The following RAB3IL1 variants were observed in gnomAD, a reference collection of about 807,000 sequenced individuals.
RAB3IL1 encodes the protein guanine nucleotide exchange factor for Rab-3A.
In RAB3IL1, 37 loss-of-function variants were observed where a neutral mutation model predicts 49.2. The observed-to-expected ratio is 0.75, with a 90% CI of 0.58 to 0.99. RAB3IL1 has a LOEUF of 0.99. RAB3IL1 is among the 50% of genes least tolerant of loss of function. The pLI, the probability that RAB3IL1 is intolerant of heterozygous loss-of-function variation, is 0.00. For missense variants in RAB3IL1, 484 were observed against 513.0 expected (o/e 0.94, Z 0.55); for synonymous variants, 193 against 213.9 (o/e 0.90, Z 0.85).
rs1166335087 is a variant in RAB3IL1 at position 61,898,648 on chromosome 11, A to G, written c.1067-288T>C. Among the ~76,000 whole-genome samples the G allele has an allele frequency of 1.3e-5, 2 of 152,226 alleles. No individual in the cohort carries two copies. Among genetic ancestry groups the G allele is most frequent in the Non-Finnish European group, 2.9e-5 (2 of 68,034 alleles). ...GCAGGTACACGCTGTCACATGCCAC[A>G]GCGGTGGTCCAGACCTGGGAACTAC... is the stretch of plus-strand genomic sequence containing the variant. On this transcript the variant is annotated intron_variant, in intron 9 of 9. Transcript: ENST00000394836. The surrounding 1 kb of genome is among the most constrained non-coding windows in gnomAD (Gnocchi z 5.1).
chr11:61,914,862 G>A (rs1380286971), intron 1 of RAB3IL1, among the ~76,000 whole-genome samples: 3 of 152,178 alleles, frequency 2.0e-5, no homozygotes, highest in Admixed American at 6.5e-5. Flanking sequence ...TCCTGTTCTA[G>A]GATCAACAGT....
chr11:61,920,002 G>C (rs1939856553), upstream of RAB3IL1: 11 of 1,224,138 alleles, frequency 9.0e-6, no homozygotes, highest in Non-Finnish European at 1.1e-5. Flanking sequence ...AGCTTGCCAA[G>C]ACTCCCCCTC....
At chr11:61,937,988 T>C in the RAB3IL1 span, 1 of 152,056 alleles carries the variant, frequency 6.6e-6, no homozygotes, top group Non-Finnish European at 1.5e-5. Context: ...TTTGTGAAGC[T>C]TTCCATTATA....
At chr11:61,900,137 A>G (rs1417021699) in intron 8 of RAB3IL1, among the ~76,000 whole-genome samples, 2 of 152,230 alleles carry the variant, frequency 1.3e-5, no homozygotes, top group Non-Finnish European at 2.9e-5. Context: ...TAGAAAGGAC[A>G]GTCCCCTTGC....
Position 61,906,244 on chromosome 11 carries a change from C to T in RAB3IL1, c.657+222G>A, listed in dbSNP as rs1939174771. On this transcript the variant is annotated intron_variant, in intron 5 of 9. Transcript: ENST00000394836. The surrounding 1 kb of genome is among the most constrained non-coding windows in gnomAD (Gnocchi z 4.6). ...GGAGTCAGTGGGGCAGGGAGGGGGC[C>T]TCAGGTCCCCAGATGGTATACCCTG... Among the ~76,000 whole-genome samples the T allele has an allele frequency of 6.6e-6, 1 of 152,126 alleles. No individual in the cohort carries two copies. Among genetic ancestry groups the T allele is most frequent in the South Asian group, 2.1e-4 (1 of 4,834 alleles).
At chr11:61,940,575 C>T in the RAB3IL1 span, among the ~76,000 whole-genome samples, 1 of 151,902 alleles carries the variant, frequency 6.6e-6, no homozygotes, top group East Asian at 1.9e-4. Context: ...TTCCTTGAGC[C>T]CAAGAGTTCG....
chr11:61,918,080 A>G (rs1939787513), upstream of RAB3IL1, among the ~76,000 whole-genome samples: 1 of 151,982 alleles, frequency 6.6e-6, no homozygotes, highest in Middle Eastern at 3.2e-3. Flanking sequence ...CCTGCCACTT[A>G]ACACGCTCTG....
intron 3 of RAB3IL1, 46 bp downstream of exon 3, chr11:61,907,517 GCC>G (rs751728062): frequency 6.2e-7 from 1 of 1,613,518 alleles, no homozygotes; most frequent in East Asian, 2.2e-5. Context: ...GCCAACGGAC[GCC>G]CAGATGACCC....
rs908000401 is a variant in RAB3IL1 at position 61,907,657 on chromosome 11, G to C, written c.268C>G (p.Leu90Val). 4.3e-6 allele frequency: 7 copies of C among 1,613,840 alleles called. No homozygotes were observed. The highest frequency in any genetic ancestry group is 1.7e-5 in the Admixed American group (1 of 59,998). Residue 90 changes from leucine to valine, a missense_variant, in exon 3 of 10, where the codon CTG becomes GTG. Transcript: ENST00000394836. ...KEELHRAQKE[L>V]KLKDEECERL... ...TCACATTCCTCGTCCTTTAGCTTCA[G>C]CTCCTGGAGGAAAAGAGGCAGGCAC...
rs374416353 is a variant in RAB3IL1 at position 61,906,267 on chromosome 11, C to T, written c.657+199G>A. Among the ~76,000 whole-genome samples the T allele has an allele frequency of 2.0e-4, 30 of 152,250 alleles. No homozygotes were observed. The highest frequency in any genetic ancestry group is 5.9e-4 in the Admixed American group (9 of 15,300). On this transcript the variant is annotated intron_variant, in intron 5 of 9. Coordinates refer to ENST00000394836, the MANE Select transcript of RAB3IL1 (RefSeq NM_013401.4). The surrounding 1 kb of genome is among the most constrained non-coding windows in gnomAD (Gnocchi z 4.6). ...GCCTCAGGTCCCCAGATGGTATACC[C>T]TGGAGGCTGCAGGCCAAGTGCCTCA...
At chr11:61,904,719 G>C (rs987856497) in intron 6 of RAB3IL1, 35 bp downstream of exon 6, 5 of 1,579,550 alleles carry the variant, frequency 3.2e-6, no homozygotes, top group Non-Finnish European at 4.3e-6. Context: ...GGAGGGGTGT[G>C]TCCCCCAGCT....
chr11:61,927,360 T>TA, the RAB3IL1 span, among the ~76,000 whole-genome samples: 1 of 152,126 alleles, frequency 6.6e-6, no homozygotes, highest in African/African-American at 2.4e-5. Context: ...CAGACTCAGG[T>TA]ATTCCCTATA....
intron 7 of RAB3IL1, among the ~76,000 whole-genome samples, chr11:61,903,931 TC>T (rs57396389): frequency 2.0e-5 from 3 of 151,916 alleles, no homozygotes; most frequent in African/African-American, 4.8e-5. Context: ...CAATTCCCTG[TC>T]CCCCCACTGC....
intron 1 of RAB3IL1, among the ~76,000 whole-genome samples, chr11:61,908,741 A>C (rs1939332692): frequency 6.6e-6 from 1 of 152,228 alleles, no homozygotes; most frequent in Non-Finnish European, 1.5e-5. Flanking sequence ...GGATGCACTC[A>C]AGCAGGAGCT....
At chr11:61,907,292 G>T in intron 4 of RAB3IL1, 101 bp downstream of exon 4, 1 of 1,274,644 alleles carries the variant, frequency 7.8e-7, no homozygotes, top group Non-Finnish European at 1.1e-6. Flanking sequence ...GCCCCACCGG[G>T]CCAGGTGAGC....
chr11:61,911,881 C>A (rs1939467542), intron 1 of RAB3IL1, among the ~76,000 whole-genome samples: 3 of 152,176 alleles, frequency 2.0e-5, no homozygotes, highest in Admixed American at 1.3e-4. Context: ...TAACCACAAT[C>A]CTCACCCCAC....
At chr11:61,945,541 G>T in the RAB3IL1 span, among the ~76,000 whole-genome samples, 2 of 152,148 alleles carry the variant, frequency 1.3e-5, no homozygotes, top group African/African-American at 4.8e-5. Context: ...TGAGCAGCTG[G>T]ACTAGAAACT....
chr11:61,917,639 G>A, upstream of RAB3IL1: 1 of 941,972 alleles, frequency 1.1e-6, no homozygotes, highest in African/African-American at 1.8e-5. Context: ...CTGGGATCCG[G>A]CGCGCGCTCC....
At chr11:61,909,587 A>G (rs998496151) in intron 1 of RAB3IL1, among the ~76,000 whole-genome samples, 4 of 152,214 alleles carry the variant, frequency 2.6e-5, no homozygotes, top group African/African-American at 9.6e-5. Context: ...CCTGGCAGGG[A>G]TGTGGGTCTT....
Sources: allele counts gnomAD v4.1 joint callset (sites outside exome capture counted in the v4.1 genomes callset), GRCh38; gene constraint gnomAD v4.1.1; non-coding constraint Gnocchi (gnomAD v3.1); transcripts MANE v1.5; gene names NCBI Gene and HGNC (gene_info 2026-07-23, HGNC 2026-07-21).